FGFR1OP2: variants seen among roughly 807,000 people sequenced by gnomAD.
FGFR1OP2 encodes the protein fibroblast growth factor receptor 1 oncogene partner 2.
In FGFR1OP2, 17 loss-of-function variants were observed where a neutral mutation model predicts 35.2. That is an observed-to-expected ratio of 0.48 (90% confidence interval 0.33 to 0.73). FGFR1OP2 has a LOEUF of 0.73. Ranked by LOEUF, FGFR1OP2 falls within the 30% of genes least tolerant of loss-of-function variation. FGFR1OP2 has a pLI of 0.02. For synonymous variants in FGFR1OP2, 105 were observed against 104.6 expected, an observed-to-expected ratio of 1.00 and a Z score of -0.03; for missense variants, 251 against 307.3, an observed-to-expected ratio of 0.82 and a Z score of 1.37.
chr12:26,959,135 A>G (rs964485597), intron 4 of FGFR1OP2, among the ~76,000 whole-genome samples: 3 of 152,002 alleles, frequency 2.0e-5, no homozygotes, highest in Non-Finnish European at 4.4e-5. Flanking sequence ...ATATTAGAAA[A>G]CCTAATGATA....
chr12:26,964,913 T>C lies in FGFR1OP2; in HGVS notation c.*180T>C, dbSNP rs1326957293. The C allele has an allele frequency of 3.6e-6, 2 of 555,074 alleles. No homozygotes were observed. Among genetic ancestry groups the C allele is most frequent in the Non-Finnish European group, 2.9e-6 (1 of 344,186 alleles). The allele number at this position is 555,074 out of a possible 1,614,324, so 34.4% of individuals were successfully genotyped here. ...TCATAGACTTTATTCCAAAACATAATTGGAAAATAGAAACTGAGCCATTGC... is the reference window on the plus strand; with the variant it reads ...TCATAGACTTTATTCCAAAACATAACTGGAAAATAGAAACTGAGCCATTGC... On this transcript the variant is annotated 3_prime_UTR_variant, in exon 7 of 7. Coordinates refer to ENST00000229395, the MANE Select transcript of FGFR1OP2 (RefSeq NM_015633.3).
chr12:26,954,126 A>G lies in FGFR1OP2; in HGVS notation c.-14-19A>G. On this transcript the variant is annotated intron_variant, in intron 1 of 6. Transcript: ENST00000229395. ...TATGTTGACTTTATTTTGAGTCTTG[A>G]TTTTAATTTTAATTATAGATATATC... 1 of 1,522,090 alleles carries G rather than the reference A, an allele frequency of 6.6e-7. No homozygotes were observed. The highest frequency in any genetic ancestry group is 1.4e-5 in the African/African-American group (1 of 70,664). 94.3% of individuals were successfully genotyped at this position (1,522,090 alleles called of 1,614,324 possible).
rs113256283 is a variant in FGFR1OP2 at position 26,952,378 on chromosome 12, G to A, written c.-14-1767G>A. ...TCCTTTTGGGTATTAGCCAGTATCA[G>A]ACAATATTGGTTCCTTTAATGGCCC... On this transcript the variant is annotated intron_variant, in intron 1 of 6. Coordinates refer to ENST00000229395, the MANE Select transcript of FGFR1OP2 (RefSeq NM_015633.3). Among the ~76,000 whole-genome samples the A allele has an allele frequency of 3.9e-3, 597 of 152,186 alleles. 5 individuals are homozygous for A. Among genetic ancestry groups the A allele is most frequent in the African/African-American group, 0.014 (563 of 41,540 alleles).
Position 26,965,658 on chromosome 12 carries a change from A to G in FGFR1OP2, c.*925A>G, listed in dbSNP as rs551269157. On this transcript the variant is annotated 3_prime_UTR_variant, in exon 7 of 7. Coordinates refer to ENST00000229395, the MANE Select transcript of FGFR1OP2 (RefSeq NM_015633.3). ...TTTTTTTCCTTTAAGTATTCTTGAGATACAAAAAAAAAAAGTAAATACAAT... is the reference window on the plus strand; with the variant it reads ...TTTTTTTCCTTTAAGTATTCTTGAGGTACAAAAAAAAAAAGTAAATACAAT... The G allele has an allele frequency of 1.3e-4, 20 of 150,726 alleles. No homozygotes were observed. The highest frequency in any genetic ancestry group is 4.9e-4 in the African/African-American group (20 of 41,054). 9.3% of individuals were successfully genotyped at this position (150,726 alleles called of 1,614,324 possible).
At chr12:26,956,481 T>TATAA in intron 2 of FGFR1OP2, 62 bp from the exon 3 acceptor site, 1 of 99,218 alleles carries the variant, frequency 1.0e-5, no homozygotes. Context: ...TTATATATCA[T>TATAA]ATATATATAT....
At chr12:26,956,808 T>C (rs1939029133) in intron 3 of FGFR1OP2, 148 bp downstream of exon 3, 1 of 381,442 alleles carries the variant, frequency 2.6e-6, no homozygotes, top group Non-Finnish European at 5.0e-6. Context: ...TTAGCACTGC[T>C]GTTGTTAGCT....
chr12:26,938,994 T>G (rs1206739462), intron 1 of FGFR1OP2, among the ~76,000 whole-genome samples: 1 of 152,228 alleles, frequency 6.6e-6, no homozygotes, highest in Non-Finnish European at 1.5e-5. Context: ...CATCCTGCCT[T>G]ACCCACCTGC....
chr12:26,948,292 T>A (rs1453411468), intron 1 of FGFR1OP2, among the ~76,000 whole-genome samples: 1 of 152,238 alleles, frequency 6.6e-6, no homozygotes, highest in Non-Finnish European at 1.5e-5. Flanking sequence ...TTCCTTCTGA[T>A]AACACTTTGC....
At position 26,963,453 on chromosome 12, in the gene FGFR1OP2, G is replaced by A; in HGVS notation, c.622G>A (p.Glu208Lys). Reference protein sequence around the residue: ...CKEQERIFQLEQENKGLREIL... With the variant: ...CKEQERIFQLKQENKGLREIL... ...GGAACAAGAACGAATATTTCAACTT[G>A]AAGTAAGTTTTACATTGCAAATGTA... is the stretch of plus-strand genomic sequence containing the variant. The change falls in exon 6 of 7, where the codon GAA becomes AAA. Residue 208 changes from glutamate to lysine, a missense_variant and splice_region_variant. Transcript: ENST00000229395. The A allele has an allele frequency of 6.3e-7, 1 of 1,593,968 alleles. No individual in the cohort carries two copies. Among genetic ancestry groups the A allele is most frequent in the Non-Finnish European group, 8.6e-7 (1 of 1,167,208 alleles).
In FGFR1OP2 at chr12:26,964,685, T is replaced by C; in HGVS notation, c.714T>C (p.Ser238=). 2 of 1,611,970 alleles carry C rather than the reference T, an allele frequency of 1.2e-6. No individual in the cohort carries two copies. Among genetic ancestry groups the C allele is most frequent in the Non-Finnish European group, 1.7e-6 (2 of 1,179,378 alleles). ...LRKDDASEST[S]LSALVTNSDL... ...AAGATGATGCGTCGGAAAGTACTTCTTTGTCAGCATTAGTGACCAACAGTG... is the reference window on the plus strand; with the variant it reads ...AAGATGATGCGTCGGAAAGTACTTCCTTGTCAGCATTAGTGACCAACAGTG... Residue 238 remains serine, a synonymous_variant, in exon 7 of 7, where the codon TCT becomes TCC. Transcript: ENST00000229395.
chr12:26,947,319 G>C (rs1938844440), intron 1 of FGFR1OP2, among the ~76,000 whole-genome samples: 1 of 152,126 alleles, frequency 6.6e-6, no homozygotes, highest in South Asian at 2.1e-4. Context: ...TTGCATTTCA[G>C]TGATGGCTAG....
intron 4 of FGFR1OP2, among the ~76,000 whole-genome samples, chr12:26,958,200 A>C (rs1939052588): frequency 5.9e-5 from 9 of 152,158 alleles, no homozygotes. Flanking sequence ...ATCTCTTCAA[A>C]AAGTAAAAAA....
intron 4 of FGFR1OP2, among the ~76,000 whole-genome samples, chr12:26,959,484 C>T (rs1939071675): frequency 1.3e-5 from 2 of 152,012 alleles, no homozygotes; most frequent in African/African-American, 4.8e-5. Context: ...GCGAAGAATA[C>T]CATTACAAAA....
chr12:26,950,213 G>GTTGTTTTTTTTTTTTTTTT (rs1938898866), intron 1 of FGFR1OP2, among the ~76,000 whole-genome samples: 2 of 50,934 alleles, frequency 3.9e-5, no homozygotes, highest in African/African-American at 1.6e-4. Context: ...TGTATTCGTT[G>GTTGTTTTTTTTTTTTTTTT]TTTTTTTTTT....
In FGFR1OP2 at chr12:26,956,672, T is replaced by G. The variant is rs1939026518; in HGVS notation, c.253+12T>G. Reference sequence around the variant, plus strand: ...ACAAGAAAACAAAGGTAAGATACGTTACTTTTTGACATTAATCCCATTTCT... The same window carrying G: ...ACAAGAAAACAAAGGTAAGATACGTGACTTTTTGACATTAATCCCATTTCT... On this transcript the variant is annotated intron_variant, in intron 3 of 6. Coordinates refer to ENST00000229395, the MANE Select transcript of FGFR1OP2 (RefSeq NM_015633.3). The G allele has an allele frequency of 6.6e-7, 1 of 1,516,858 alleles. No homozygotes were observed. The highest frequency in any genetic ancestry group is 1.4e-5 in the African/African-American group (1 of 72,018). 94.0% of individuals were successfully genotyped at this position (1,516,858 alleles called of 1,614,324 possible).
chr12:26,964,150 A>G (rs1939140862), intron 6 of FGFR1OP2, among the ~76,000 whole-genome samples: 1 of 152,062 alleles, frequency 6.6e-6, no homozygotes, highest in African/African-American at 2.4e-5. Context: ...AGCTACCCCT[A>G]CCCTGCTGCT....
chr12:26,942,932 A>G lies in FGFR1OP2; in HGVS notation c.-15+4222A>G, dbSNP rs1938759829. Among the ~76,000 whole-genome samples the G allele has an allele frequency of 2.0e-5, 3 of 152,290 alleles. No homozygotes were observed. The South Asian group carries it at 6.2e-4, about 32-fold the overall frequency. On this transcript the variant is annotated intron_variant, in intron 1 of 6. Coordinates refer to ENST00000229395, the MANE Select transcript of FGFR1OP2 (RefSeq NM_015633.3). ...TCTAAACAGTGTCTTTCCCAGAGCAAAAGTTTGTGATTTTGATGAGGTCCA... is the reference window on the plus strand; with the variant it reads ...TCTAAACAGTGTCTTTCCCAGAGCAGAAGTTTGTGATTTTGATGAGGTCCA...
chr12:26,949,522 A>C (rs1054715037), intron 1 of FGFR1OP2, among the ~76,000 whole-genome samples: 1 of 152,046 alleles, frequency 6.6e-6, no homozygotes, highest in African/African-American at 2.4e-5. Context: ...ATTCGTGTTT[A>C]ATATTGTGGC....
At chr12:26,954,829 A>G (rs999858309) in intron 2 of FGFR1OP2, among the ~76,000 whole-genome samples, 1 of 152,218 alleles carries the variant, frequency 6.6e-6, no homozygotes, top group Non-Finnish European at 1.5e-5. Context: ...TTACTATTGT[A>G]TAACAGAATA....
Sources: allele counts gnomAD v4.1 joint callset (sites outside exome capture counted in the v4.1 genomes callset), GRCh38; gene constraint gnomAD v4.1.1; transcripts MANE v1.5; gene names NCBI Gene and HGNC (gene_info 2026-07-23, HGNC 2026-07-21).